Variants in SLC24A2 observed in about 807,000 individuals in gnomAD.
SLC24A2 encodes the protein solute carrier family 24 member 2.
A neutral mutation model predicts 62.0 loss-of-function variants in SLC24A2; 36 were observed. The observed-to-expected ratio is 0.58, with a 90% confidence interval of 0.44 to 0.77. SLC24A2 has a LOEUF of 0.77. Ranked by LOEUF, SLC24A2 falls within the 30% of genes least tolerant of loss-of-function variation. SLC24A2 has a pLI of 0.00. For synonymous variants in SLC24A2, 358 were observed against 294.0 expected (o/e 1.22, Z -2.23); for missense variants, 846 against 817.9 (o/e 1.03, Z -0.42).
chr9:20,009,831 G>C, the SLC24A2 span, among the ~76,000 whole-genome samples: 1 of 152,098 alleles, frequency 6.6e-6, no homozygotes, highest in Admixed American at 6.5e-5. Context: ...TTCTGGTTAA[G>C]CTTCCTCTAG....
chr9:20,262,036 C>G, the SLC24A2 span, among the ~76,000 whole-genome samples: 1 of 152,116 alleles, frequency 6.6e-6, no homozygotes, highest in East Asian at 1.9e-4. Context: ...CCGTGCCTGG[C>G]TACCAAATCA....
At chr9:19,864,118 C>G in the SLC24A2 span, among the ~76,000 whole-genome samples, 1 of 151,888 alleles carries the variant, frequency 6.6e-6, no homozygotes, top group Middle Eastern at 3.4e-3. Context: ...TACAACTTAC[C>G]AAGATTGAAC....
At chr9:19,524,137 C>A (rs372536886) in intron 9 of SLC24A2, among the ~76,000 whole-genome samples, 198 of 84,670 alleles carry the variant, frequency 2.3e-3, no homozygotes, top group South Asian at 3.4e-3. Context: ...ACTTCATTTT[C>A]AAAAAAAAAA....
chr9:19,868,151 C>G, the SLC24A2 span, among the ~76,000 whole-genome samples: 1 of 151,886 alleles, frequency 6.6e-6, no homozygotes, highest in Non-Finnish European at 1.5e-5. Flanking sequence ...TAGTTGCATT[C>G]ACTAATTATA....
chr9:20,002,783 G>A, the SLC24A2 span, among the ~76,000 whole-genome samples: 1 of 152,116 alleles, frequency 6.6e-6, no homozygotes, highest in Non-Finnish European at 1.5e-5. Flanking sequence ...CTCCCTCCTT[G>A]CCCACTGCCC....
intron 7 of SLC24A2, among the ~76,000 whole-genome samples, chr9:19,561,348 T>C (rs1835391065): frequency 6.6e-6 from 1 of 152,124 alleles, no homozygotes; most frequent in Non-Finnish European, 1.5e-5. Flanking sequence ...GTGTTTCTTA[T>C]TGGAAGGCAA....
intron 4 of SLC24A2, among the ~76,000 whole-genome samples, chr9:19,616,713 C>A (rs868442587): frequency 4.6e-5 from 7 of 152,178 alleles, no homozygotes; most frequent in Middle Eastern, 3.2e-3. Flanking sequence ...TCTCAAGAAA[C>A]TTCCTGTATC....
At chr9:19,998,939 AG>A in the SLC24A2 span, among the ~76,000 whole-genome samples, 1 of 152,238 alleles carries the variant, frequency 6.6e-6, no homozygotes, top group Non-Finnish European at 1.5e-5. Flanking sequence ...GAATCAGACC[AG>A]CAGAAGCCAG....
chr9:19,531,333 G>A (rs1833699597), intron 8 of SLC24A2, among the ~76,000 whole-genome samples: 1 of 152,168 alleles, frequency 6.6e-6, no homozygotes, highest in Non-Finnish European at 1.5e-5. Flanking sequence ...AGTTACCAGT[G>A]TCATTGGAAG....
chr9:20,211,396 C>T, the SLC24A2 span, among the ~76,000 whole-genome samples: 7 of 152,072 alleles, frequency 4.6e-5, no homozygotes, highest in Non-Finnish European at 8.8e-5. Context: ...CCTGTAATCC[C>T]AGCTACTAGG....
chr9:20,048,792 T>C, the SLC24A2 span, among the ~76,000 whole-genome samples: 1 of 151,832 alleles, frequency 6.6e-6, no homozygotes, highest in African/African-American at 2.4e-5. Context: ...ATTTTATAAG[T>C]AGCAAAACCA....
At chr9:20,246,182 A>G in the SLC24A2 span, among the ~76,000 whole-genome samples, 1 of 152,210 alleles carries the variant, frequency 6.6e-6, no homozygotes, top group Non-Finnish European at 1.5e-5. Flanking sequence ...CATTCAACAA[A>G]TATTATTTCC....
At chr9:19,716,589 CTGA>C (rs1389394292) in intron 2 of SLC24A2, among the ~76,000 whole-genome samples, 1 of 152,172 alleles carries the variant, frequency 6.6e-6, no homozygotes, top group Admixed American at 6.5e-5. Flanking sequence ...TCTTTTAGGG[CTGA>C]TGTCTTATAT....
chr9:19,893,227 C>T, the SLC24A2 span, among the ~76,000 whole-genome samples: 3 of 152,120 alleles, frequency 2.0e-5, no homozygotes, highest in Non-Finnish European at 4.4e-5. Context: ...CTTTTACTAT[C>T]ATATTAGCTT....
At chr9:19,567,577 GTTC>G (rs1226117994) in intron 7 of SLC24A2, among the ~76,000 whole-genome samples, 1 of 145,332 alleles carries the variant, frequency 6.9e-6, no homozygotes, top group Non-Finnish European at 1.5e-5. Flanking sequence ...TAAGGAATAT[GTTC>G]TTATAATTTT....
intron 2 of SLC24A2, among the ~76,000 whole-genome samples, chr9:19,701,997 C>G (rs1463455553): frequency 6.6e-6 from 1 of 152,140 alleles, no homozygotes; most frequent in Non-Finnish European, 1.5e-5. Context: ...GTCAGAATCT[C>G]TTGTTTTTCA....
chr9:20,058,183 G>C, the SLC24A2 span, among the ~76,000 whole-genome samples: 1 of 152,152 alleles, frequency 6.6e-6, no homozygotes, highest in Non-Finnish European at 1.5e-5. Context: ...TAGGTTTATA[G>C]TTATGGTTTG....
At chr9:19,554,046 T>G (rs1027218265) in intron 7 of SLC24A2, among the ~76,000 whole-genome samples, 4 of 152,118 alleles carry the variant, frequency 2.6e-5, no homozygotes, top group Admixed American at 6.6e-5. Context: ...AAAGAGGTAA[T>G]TAAGTTAAAA....
chr9:19,555,774 A>C (rs1003643679), intron 7 of SLC24A2, among the ~76,000 whole-genome samples: 3 of 152,022 alleles, frequency 2.0e-5, no homozygotes, highest in African/African-American at 7.2e-5. Context: ...GTGAAACCCC[A>C]TCTCTACTAA....
Sources: gnomAD v4.1 joint callset for allele counts (sites outside exome capture counted in the v4.1 genomes callset) on GRCh38, gnomAD v4.1.1 for gene constraint, MANE v1.5 for transcripts, NCBI Gene and HGNC (gene_info 2026-07-23, HGNC 2026-07-21) for gene names.